The following FAM185A variants were observed in gnomAD, a reference collection of about 807,000 sequenced individuals.
FAM185A encodes the protein protein FAM185A.
In FAM185A, 21 loss-of-function variants were observed where a neutral mutation model predicts 45.7. That is an observed-to-expected ratio of 0.46 (90% CI 0.33 to 0.66). The LOEUF is 0.66. FAM185A is among the 30% of genes least tolerant of loss of function. The pLI is 0.03. For missense variants in FAM185A, 305 were observed against 485.4 expected (o/e 0.63, Z 3.49); for synonymous variants, 117 against 194.0 (o/e 0.60, Z 3.30).
At chr7:102,814,403 G>C in the FAM185A span, 1 of 152,102 alleles carries the variant, frequency 6.6e-6, no homozygotes, top group Non-Finnish European at 1.5e-5. Context: ...CATACACTTC[G>C]AGTTAAGTTT....
At chr7:102,764,110 CCA>C (rs1794250805) in intron 4 of FAM185A, among the ~76,000 whole-genome samples, 1 of 151,880 alleles carries the variant, frequency 6.6e-6, no homozygotes, top group Non-Finnish European at 1.5e-5. Context: ...AAAATTTAAT[CCA>C]GTTTCAAATT....
At chr7:102,812,805 C>G (rs928630414), downstream of FAM185A, among the ~76,000 whole-genome samples, 2 of 149,486 alleles carry the variant, frequency 1.3e-5, no homozygotes, top group Non-Finnish European at 3.0e-5. Flanking sequence ...TAAATTTAGG[C>G]AGAAATTTTG....
intron 4 of FAM185A, among the ~76,000 whole-genome samples, 159 bp downstream of exon 4, chr7:102,761,570 A>G (rs1373763331): frequency 1.3e-5 from 2 of 151,600 alleles, no homozygotes; most frequent in East Asian, 1.9e-4. Flanking sequence ...AAATAAAATG[A>G]CTCATAAAGC....
the FAM185A span, among the ~76,000 whole-genome samples, chr7:102,842,938 G>T: frequency 1.3e-5 from 2 of 152,174 alleles, no homozygotes; most frequent in Non-Finnish European, 1.5e-5. Context: ...TTGCTCTGTT[G>T]TTCTCCCAAC....
intron 3 of FAM185A, among the ~76,000 whole-genome samples, chr7:102,760,721 G>A (rs1378538487): frequency 6.6e-6 from 1 of 151,940 alleles, no homozygotes; most frequent in Non-Finnish European, 1.5e-5. Flanking sequence ...GTTGAATTGC[G>A]GGCCTGAGAC....
chr7:102,832,956 G>C, the FAM185A span: 1 of 1,614,152 alleles, frequency 6.2e-7, no homozygotes, highest in Non-Finnish European at 8.5e-7. Context: ...TCCAAGATCA[G>C]TGAGCTTTTG....
Position 102,751,737 on chromosome 7 carries a change from G to A in FAM185A, c.497G>A (p.Ser166Asn), listed in dbSNP as rs1381467763. 6.4e-7 allele frequency: 1 copy of A among 1,551,556 alleles called. No homozygotes were observed. The change falls in exon 2 of 8, where the codon AGT becomes AAT. Residue 166 changes from serine (S) to asparagine (N), a missense_variant. Physicochemically the swap from Ser to Asn is conservative, Grantham distance 46. Coordinates refer to ENST00000413034, the MANE Select transcript of FAM185A (RefSeq NM_001145268.2). ...GGGTCTGGCTGTGTAAAAGTTCAAA[G>A]TATTGAGGGTGATAATTGCAAAATT... ...SSGSGCVKVQ[S>N]IEGDNCKIET...
chr7:102,820,516 A>G, the FAM185A span, among the ~76,000 whole-genome samples: 1 of 152,220 alleles, frequency 6.6e-6, no homozygotes, highest in Non-Finnish European at 1.5e-5. Flanking sequence ...AAGACCGAGC[A>G]GTTAAGGCAG....
At chr7:102,820,487 A>T in the FAM185A span, among the ~76,000 whole-genome samples, 1 of 152,116 alleles carries the variant, frequency 6.6e-6, no homozygotes, top group Non-Finnish European at 1.5e-5. Context: ...ATATTTTTTA[A>T]ATCTAGGGAC....
intron 7 of FAM185A, among the ~76,000 whole-genome samples, chr7:102,791,291 G>GA: frequency 6.6e-6 from 1 of 151,306 alleles, no homozygotes; most frequent in Non-Finnish European, 1.5e-5. Context: ...GGATGAAGGA[G>GA]AAAAAAACAA....
At chr7:102,813,129 C>A, downstream of FAM185A, 1 of 512,726 alleles carries the variant, frequency 2.0e-6, no homozygotes, top group East Asian at 3.7e-5. Flanking sequence ...TGTGAGCCAC[C>A]GCTCCTGGCC....
At chr7:102,784,513 G>A (rs534363559) in intron 6 of FAM185A, among the ~76,000 whole-genome samples, 136 of 152,278 alleles carry the variant, frequency 8.9e-4, no homozygotes, top group African/African-American at 3.1e-3. Flanking sequence ...TCCCTGGGAT[G>A]CAAGGCTGGT....
At chr7:102,775,009 T>TG (rs1331724983) in intron 5 of FAM185A, among the ~76,000 whole-genome samples, 1 of 119,586 alleles carries the variant, frequency 8.4e-6, no homozygotes, top group East Asian at 2.3e-4. Context: ...GTTTTGTTTT[T>TG]GTTTTTTTTT....
chr7:102,753,626 C>T lies in FAM185A; in HGVS notation c.561+1825C>T, dbSNP rs1029914. Among the ~76,000 whole-genome samples the T allele has an allele frequency of 2.8e-3, 418 of 151,206 alleles. 2 individuals are homozygous for T. Among genetic ancestry groups the T allele is most frequent in the African/African-American group, 9.7e-3 (397 of 40,872 alleles). On this transcript the variant is annotated intron_variant, in intron 2 of 7. Coordinates refer to ENST00000413034, the MANE Select transcript of FAM185A (RefSeq NM_001145268.2). ...AGACAAAATCATCTCCAGTTGAGAA[C>T]GACTGCTTTATGCAAGTCCATCATT... is the stretch of plus-strand genomic sequence containing the variant.
In FAM185A at chr7:102,761,288, A is replaced by G. The variant is rs1402440170; in HGVS notation, c.670A>G (p.Lys224Glu). Residue 224 changes from lysine (K) to glutamate (E), a missense_variant, in exon 4 of 8, where the codon AAA (lysine) becomes GAA (glutamate). Around this residue, in one of 5 missense-constraint regions of FAM185A, gnomAD observed 12 missense variants for 46.4 expected, o/e 0.26. Transcript: ENST00000413034. Reference sequence around the variant, plus strand: ...CTCTTACTAGGCTGTGACCATAGATAAACTGCAGGGAAGTTCTGTTACTGT... The same window carrying G: ...CTCTTACTAGGCTGTGACCATAGATGAACTGCAGGGAAGTTCTGTTACTGT... ...ASDKSAVTID[K>E]LQGSSVTVST... The G allele has an allele frequency of 6.5e-7, 1 of 1,543,690 alleles. No homozygotes were observed. The highest frequency in any genetic ancestry group is 1.4e-5 in the African/African-American group (1 of 72,568).
At chr7:102,803,616 T>C (rs1796928374) in intron 7 of FAM185A, among the ~76,000 whole-genome samples, 1 of 151,824 alleles carries the variant, frequency 6.6e-6, no homozygotes, top group African/African-American at 2.4e-5. Context: ...CTCTGAGAAA[T>C]GAAACAAGAC....
chr7:102,749,431 G>A lies in FAM185A; in HGVS notation c.224G>A (p.Gly75Asp). 1 of 1,548,156 alleles carries A rather than the reference G, an allele frequency of 6.5e-7. No homozygotes were observed. Among genetic ancestry groups the A allele is most frequent in the Non-Finnish European group, 8.7e-7 (1 of 1,146,256 alleles). Residue 75 changes from glycine to aspartate, a missense_variant, in exon 1 of 8, where the codon GGT becomes GAT. Transcript: ENST00000413034. Reference protein sequence around the residue: ...KEWTLQVSPFGRLRARLPCHL... With the variant: ...KEWTLQVSPFDRLRARLPCHL... ...TGGACACTGCAGGTGAGCCCGTTTG[G>A]TCGGCTGCGGGCGCGGCTCCCGTGC...
intron 6 of FAM185A, among the ~76,000 whole-genome samples, chr7:102,786,969 CAT>C (rs1306925306): frequency 2.0e-5 from 3 of 152,078 alleles, no homozygotes; most frequent in Admixed American, 6.6e-5. Context: ...GGGATTAAAA[CAT>C]AATGTAATTA....
At chr7:102,772,044 C>T (rs1337639653) in intron 4 of FAM185A, among the ~76,000 whole-genome samples, 6 of 143,124 alleles carry the variant, frequency 4.2e-5, no homozygotes, top group Admixed American at 2.1e-4. Context: ...TTGAAAACTT[C>T]GCTTTGTGTG....
Sources: allele counts gnomAD v4.1 joint callset (sites outside exome capture counted in the v4.1 genomes callset), GRCh38; gene constraint gnomAD v4.1.1; regional missense constraint gnomAD v4.1.1; transcripts MANE v1.5; gene names NCBI Gene and HGNC (gene_info 2026-07-23, HGNC 2026-07-21).